Variants in GLIS3 observed in about 807,000 individuals in gnomAD.
GLIS3 encodes the protein zinc finger protein GLIS3.
GLIS3 carries 53 observed loss-of-function variants against 78.6 expected under a neutral mutation model. The observed-to-expected ratio is 0.67, with a 90% CI of 0.54 to 0.85. GLIS3 has a LOEUF of 0.85. Ranked by LOEUF, GLIS3 falls within the 40% of genes least tolerant of loss-of-function variation. GLIS3 has a pLI of 0.00. For synonymous variants in GLIS3, 684 were observed against 509.9 expected (o/e 1.34, Z -4.60); for missense variants, 1,703 against 1,231.1 (o/e 1.38, Z -5.74).
chr9:3,921,662 T>C (rs1824898175), intron 6 of GLIS3, among the ~76,000 whole-genome samples: 1 of 152,080 alleles, frequency 6.6e-6, no homozygotes, highest in Admixed American at 6.5e-5. Flanking sequence ...TTTTCTATGA[T>C]TAAAAAATCC....
At chr9:4,162,332 A>G (rs978619218) in intron 2 of GLIS3, among the ~76,000 whole-genome samples, 1 of 152,126 alleles carries the variant, frequency 6.6e-6, no homozygotes, top group Non-Finnish European at 1.5e-5. Flanking sequence ...CAAAAGTCAC[A>G]TTCTGAGGTT....
chr9:4,120,515 C>T (rs1043820490), intron 3 of GLIS3, among the ~76,000 whole-genome samples: 2 of 152,220 alleles, frequency 1.3e-5, no homozygotes, highest in Non-Finnish European at 2.9e-5. Context: ...TCCCAGCACA[C>T]TTGCAGCATG....
At chr9:4,083,947 A>C (rs1828774409) in intron 4 of GLIS3, among the ~76,000 whole-genome samples, 1 of 152,186 alleles carries the variant, frequency 6.6e-6, no homozygotes, top group South Asian at 2.1e-4. Flanking sequence ...GCCTCTGTTT[A>C]ACTACTCTGG....
At chr9:4,353,999 T>C in the GLIS3 span, among the ~76,000 whole-genome samples, 4 of 150,450 alleles carry the variant, frequency 2.7e-5, no homozygotes, top group Non-Finnish European at 5.9e-5. Context: ...GGCTATTTTT[T>C]TTTTTTTTTT....
chr9:4,219,221 C>T (rs994171822), intron 2 of GLIS3, among the ~76,000 whole-genome samples: 2 of 152,242 alleles, frequency 1.3e-5, no homozygotes, highest in Non-Finnish European at 2.9e-5. Context: ...CCTGTGACCA[C>T]TGACATAAAC....
the GLIS3 span, among the ~76,000 whole-genome samples, chr9:4,452,161 T>A: frequency 6.6e-6 from 1 of 152,174 alleles, no homozygotes; most frequent in Non-Finnish European, 1.5e-5. Context: ...TAGGTATTGA[T>A]GGAACGTATC....
At chr9:4,352,831 ATAGT>A (rs1563942705), upstream of GLIS3, among the ~76,000 whole-genome samples, 1 of 152,262 alleles carries the variant, frequency 6.6e-6, no homozygotes, top group Non-Finnish European at 1.5e-5. Context: ...ATGAATCTTC[ATAGT>A]TAGGTAAACC....
the GLIS3 span, among the ~76,000 whole-genome samples, chr9:4,381,792 G>A: frequency 6.6e-6 from 1 of 152,164 alleles, no homozygotes; most frequent in African/African-American, 2.4e-5. Flanking sequence ...CTGGCTTTCT[G>A]TTATGTCTGG....
At position 4,139,303 on chromosome 9, in the gene GLIS3, A is replaced by G. The variant is rs978057445; in HGVS notation, c.389-13362T>C. Among the ~76,000 whole-genome samples, 7 of 152,368 alleles carry G rather than the reference A, an allele frequency of 4.6e-5. No individual in the cohort carries two copies. The East Asian group carries it at 1.3e-3, about 29-fold the overall frequency. ...GAGCAATGACTGGTATCCCCCAGAC[A>G]GCAAGTGCTCACCAAATATCTGTTG... On this transcript the variant is annotated intron_variant, in intron 2 of 10. Transcript: ENST00000381971.
chr9:4,422,042 A>G, the GLIS3 span, among the ~76,000 whole-genome samples: 1 of 152,262 alleles, frequency 6.6e-6, no homozygotes, highest in Admixed American at 6.5e-5. Context: ...AACCACAGAC[A>G]TGTTCATATC....
chr9:3,945,020 A>G (rs2130821310), intron 4 of GLIS3, among the ~76,000 whole-genome samples: 1 of 152,230 alleles, frequency 6.6e-6, no homozygotes, highest in South Asian at 2.1e-4. Flanking sequence ...GAACTCGCTC[A>G]CTCCTGTGAC....
At chr9:4,154,132 A>G (rs1176930863) in intron 2 of GLIS3, among the ~76,000 whole-genome samples, 2 of 152,240 alleles carry the variant, frequency 1.3e-5, no homozygotes, top group Non-Finnish European at 2.9e-5. Context: ...AGGCAGAAAG[A>G]GGGGGCTTTC....
the GLIS3 span, among the ~76,000 whole-genome samples, chr9:4,371,676 TCTCACTA>T: frequency 7.9e-5 from 12 of 152,194 alleles, no homozygotes; most frequent in African/African-American, 2.6e-4. Context: ...GCCTCATCTC[TCTCACTA>T]CTCACTACTC....
chr9:4,448,995 T>G, the GLIS3 span, among the ~76,000 whole-genome samples: 1 of 151,910 alleles, frequency 6.6e-6, no homozygotes, highest in South Asian at 2.1e-4. Context: ...CTATGGAGGG[T>G]GAGCTGAAGC....
At chr9:4,443,544 G>C in the GLIS3 span, among the ~76,000 whole-genome samples, 1 of 152,324 alleles carries the variant, frequency 6.6e-6, no homozygotes, top group South Asian at 2.1e-4. Flanking sequence ...GGAAAGCAGT[G>C]TCACCCATTT....
At chr9:3,887,893 G>A (rs997248117) in intron 7 of GLIS3, among the ~76,000 whole-genome samples, 1 of 152,108 alleles carries the variant, frequency 6.6e-6, no homozygotes, top group Non-Finnish European at 1.5e-5. Flanking sequence ...CTTTCACACA[G>A]CCCTCTTAGA....
chr9:4,337,111 G>C (rs1324735882), intron 2 of GLIS3, among the ~76,000 whole-genome samples: 1 of 152,178 alleles, frequency 6.6e-6, no homozygotes, highest in African/African-American at 2.4e-5. Context: ...TTGGCTTCTA[G>C]TGCACAAACA....
chr9:4,409,715 A>G, the GLIS3 span, among the ~76,000 whole-genome samples: 1 of 152,234 alleles, frequency 6.6e-6, no homozygotes, highest in African/African-American at 2.4e-5. Flanking sequence ...TTGAAGAAGC[A>G]AGGAACAAAT....
At chr9:3,932,332 C>A in intron 6 of GLIS3, 28 bp downstream of exon 6, 2 of 1,532,140 alleles carry the variant, frequency 1.3e-6, no homozygotes, top group South Asian at 2.2e-5. Context: ...ATGCTTTTCC[C>A]GACTGGAAGA....
Sources: gnomAD v4.1 joint callset for allele counts (sites outside exome capture counted in the v4.1 genomes callset) on GRCh38, gnomAD v4.1.1 for gene constraint, MANE v1.5 for transcripts, NCBI Gene and HGNC (gene_info 2026-07-23, HGNC 2026-07-21) for gene names.